SHISA9: variants seen among roughly 807,000 people sequenced by gnomAD.
SHISA9 encodes the protein shisa family member 9.
SHISA9 carries 13 observed loss-of-function variants against 38.0 expected under a neutral mutation model. That is an observed-to-expected ratio of 0.34 (90% CI 0.22 to 0.54). SHISA9 has a LOEUF of 0.54. SHISA9 is among the 20% of genes least tolerant of loss of function. SHISA9 has a pLI of 0.91. For missense variants in SHISA9, 538 were observed against 575.8 expected (o/e 0.93, Z 0.67); for synonymous variants, 275 against 242.0 (o/e 1.14, Z -1.27).
At chr16:13,344,929 A>G in the SHISA9 span, among the ~76,000 whole-genome samples, 1 of 152,126 alleles carries the variant, frequency 6.6e-6, no homozygotes, top group Non-Finnish European at 1.5e-5. Context: ...CACTCTGTTC[A>G]TTCTACAGGT....
At chr16:13,081,201 A>G (rs1269543878) in intron 2 of SHISA9, among the ~76,000 whole-genome samples, 2 of 152,216 alleles carry the variant, frequency 1.3e-5, no homozygotes, top group Non-Finnish European at 2.9e-5. Context: ...CTAGGGATGG[A>G]TAGAAAATGT....
the SHISA9 span, among the ~76,000 whole-genome samples, chr16:13,519,415 A>G: frequency 6.6e-6 from 1 of 152,232 alleles, no homozygotes; most frequent in Non-Finnish European, 1.5e-5. Flanking sequence ...GGTGATGGGT[A>G]GATGGCTTCA....
intron 2 of SHISA9, among the ~76,000 whole-genome samples, chr16:12,935,725 G>A (rs1328909331): frequency 6.6e-6 from 1 of 152,062 alleles, no homozygotes; most frequent in East Asian, 1.9e-4. Flanking sequence ...GCACGTGCCT[G>A]TGGTCCCAGC....
the SHISA9 span, among the ~76,000 whole-genome samples, chr16:13,304,096 G>C: frequency 1.3e-5 from 2 of 151,852 alleles, no homozygotes; most frequent in Admixed American, 1.3e-4. Context: ...CAGCTTTTTT[G>C]TTTACCTCTG....
chr16:13,152,935 A>C lies in SHISA9; in HGVS notation c.692-50459A>C, dbSNP rs369777785. Among the ~76,000 whole-genome samples, 50 of 152,372 alleles carry C rather than the reference A, an allele frequency of 3.3e-4. No individual in the cohort carries two copies. The Middle Eastern group carries it at 0.01, about 31-fold the overall frequency. Reference sequence around the variant, plus strand: ...TTTTCCTGGATTACCAGGGTATGCCACTATAATCACAAGCTTTCTTTAAAT... The same window carrying C: ...TTTTCCTGGATTACCAGGGTATGCCCCTATAATCACAAGCTTTCTTTAAAT... On this transcript the variant is annotated intron_variant, in intron 2 of 4. Transcript: ENST00000558583.
At chr16:13,039,804 G>T (rs1450971168) in intron 2 of SHISA9, among the ~76,000 whole-genome samples, 2 of 152,236 alleles carry the variant, frequency 1.3e-5, no homozygotes, top group East Asian at 1.9e-4. Flanking sequence ...GAACACGAGG[G>T]TTCTGAAGTC....
At chr16:12,998,373 G>C (rs1405818821) in intron 2 of SHISA9, among the ~76,000 whole-genome samples, 2 of 152,192 alleles carry the variant, frequency 1.3e-5, no homozygotes, top group African/African-American at 4.8e-5. Flanking sequence ...CTGGTAAACA[G>C]CTTTTCCCGA....
rs1177790785 is a variant in SHISA9, at chr16:12,902,867, T to TGTGTGTGTGTGTGTGTGA, written c.563+241_563+242insTGTGTGTGTGTGTGTGAG. The TGTGTGTGTGTGTGTGTGA allele has an allele frequency of 3.3e-4, 164 of 503,292 alleles. 1 individual carries two copies. Among genetic ancestry groups the TGTGTGTGTGTGTGTGTGA allele is most frequent in the Admixed American group, 1.9e-3 (52 of 27,814 alleles). The allele number at this position is 503,292 out of a possible 1,614,324, so 31.2% of individuals were successfully genotyped here. A position where few individuals can be genotyped will look rare whatever the true frequency, so the allele number is the denominator to read the frequency against. On this transcript the variant is annotated intron_variant, in intron 1 of 4. Coordinates refer to ENST00000558583, the MANE Select transcript of SHISA9 (RefSeq NM_001145204.3). ...GTGTGAGCGTGTGTGTGTGTGTGTG[T>TGTGTGTGTGTGTGTGTGA]GACTCTGCTCCCTCACCCTCTGGCC...
At chr16:13,159,983 CT>C (rs1276845715) in intron 2 of SHISA9, among the ~76,000 whole-genome samples, 3 of 152,204 alleles carry the variant, frequency 2.0e-5, no homozygotes, top group African/African-American at 7.2e-5. Flanking sequence ...ATTTTCCATT[CT>C]GGTAGAGGAA....
the SHISA9 span, among the ~76,000 whole-genome samples, chr16:13,313,036 A>C: frequency 2.0e-5 from 3 of 151,670 alleles, no homozygotes; most frequent in African/African-American, 7.3e-5. Context: ...CGGGCGGATC[A>C]CGAGGTCAGG....
the SHISA9 span, among the ~76,000 whole-genome samples, chr16:13,536,473 A>T: frequency 6.6e-6 from 1 of 152,216 alleles, no homozygotes; most frequent in African/African-American, 2.4e-5. Context: ...TACCCAGAAC[A>T]TTGTAGACTC....
chr16:13,030,024 G>A (rs1301955469), intron 2 of SHISA9, among the ~76,000 whole-genome samples: 1 of 152,226 alleles, frequency 6.6e-6, no homozygotes, highest in Non-Finnish European at 1.5e-5. Flanking sequence ...GACTGAATGA[G>A]ATCATTCATA....
chr16:13,053,903 A>C (rs1328200756), intron 2 of SHISA9, among the ~76,000 whole-genome samples: 1 of 152,160 alleles, frequency 6.6e-6, no homozygotes, highest in African/African-American at 2.4e-5. Flanking sequence ...GAGGGAGCAA[A>C]GCAATGAGGC....
Position 13,014,403 on chromosome 16 carries a change from C to G in SHISA9, c.691+97588C>G, listed in dbSNP as rs149937278. ...TGTTTTTTCTGAGCCCACTTGTTAACGTCCTCTGATGGCAGTTTGGGAAGG... is the reference window on the plus strand; with the variant it reads ...TGTTTTTTCTGAGCCCACTTGTTAAGGTCCTCTGATGGCAGTTTGGGAAGG... On this transcript the variant is annotated intron_variant, in intron 2 of 4. Transcript: ENST00000558583. Among the ~76,000 whole-genome samples, 302 of 152,276 alleles carry G rather than the reference C, an allele frequency of 2.0e-3. 2 individuals are homozygous for G. The highest frequency in any genetic ancestry group is 3.3e-3 in the Non-Finnish European group (222 of 68,010).
At chr16:13,054,881 C>G (rs890901164) in intron 2 of SHISA9, among the ~76,000 whole-genome samples, 6 of 152,186 alleles carry the variant, frequency 3.9e-5, no homozygotes, top group African/African-American at 1.4e-4. Context: ...TTTGCACATG[C>G]TATCCCCACT....
intron 4 of SHISA9, among the ~76,000 whole-genome samples, chr16:13,222,821 C>T (rs202051122): frequency 5.9e-5 from 4 of 67,516 alleles, no homozygotes; most frequent in East Asian, 1.4e-3. Flanking sequence ...TACATACACA[C>T]ACCACAAGGT....
the SHISA9 span, among the ~76,000 whole-genome samples, chr16:13,463,030 C>A: frequency 1.2e-4 from 18 of 151,942 alleles, no homozygotes; most frequent in Non-Finnish European, 2.2e-4. Context: ...GTGGCACATG[C>A]CTGTGGTCCC....
chr16:13,524,883 T>C, the SHISA9 span, among the ~76,000 whole-genome samples: 1 of 152,116 alleles, frequency 6.6e-6, no homozygotes, highest in East Asian at 1.9e-4. Flanking sequence ...TTCCATATGC[T>C]CAGCAGCATC....
chr16:13,258,996 C>A, the SHISA9 span, among the ~76,000 whole-genome samples: 8 of 152,176 alleles, frequency 5.3e-5, no homozygotes, highest in Admixed American at 1.3e-4. Flanking sequence ...TAATTCATTT[C>A]AGCATTAACC....
Sources: allele counts gnomAD v4.1 joint callset (sites outside exome capture counted in the v4.1 genomes callset), GRCh38; gene constraint gnomAD v4.1.1; transcripts MANE v1.5; gene names NCBI Gene and HGNC (gene_info 2026-07-23, HGNC 2026-07-21).